Variants in RBFOX1 observed in about 807,000 individuals in gnomAD.
RBFOX1 encodes the protein RNA binding fox-1 homolog 1.
RBFOX1 carries 8 observed loss-of-function variants against 57.7 expected under a neutral mutation model. The ratio of observed to expected loss-of-function variants is 0.14; its 90% CI spans 0.08 to 0.25. RBFOX1 has a LOEUF of 0.25. RBFOX1 is among the 10% of genes least tolerant of loss of function. The probability of loss-of-function intolerance (pLI) is 1.00; values close to 1 mark genes in which losing one functional copy is unlikely to be tolerated. For missense variants in RBFOX1, 611 were observed against 548.5 expected, an observed-to-expected ratio of 1.11 and a Z score of -1.14; for synonymous variants, 326 against 222.4, an observed-to-expected ratio of 1.47 and a Z score of -4.15.
At chr16:7,273,250 C>CTTCCTTCA (rs2095372261) in intron 4 of RBFOX1, among the ~76,000 whole-genome samples, 1 of 141,936 alleles carries the variant, frequency 7.0e-6, no homozygotes, top group East Asian at 2.1e-4. Flanking sequence ...TCCTTCCTTC[C>CTTCCTTCA]TTCCTTCCTT....
Position 6,357,042 on chromosome 16 carries a change from C to T in RBFOX1, c.-64+39985C>T, listed in dbSNP as rs139908010. ...AACTGTGATTCTGCTGTCCTGCACCCGGGGACCTCTATTTGGAGCAGTATT... is the reference window on the plus strand; with the variant it reads ...AACTGTGATTCTGCTGTCCTGCACCTGGGGACCTCTATTTGGAGCAGTATT... On this transcript the variant is annotated intron_variant, in intron 2 of 15. Transcript: ENST00000550418. 3.4e-3 allele frequency among the ~76,000 whole-genome samples: 512 copies of T among 152,192 alleles called. 4 individuals carry two copies. The highest frequency in any genetic ancestry group is 0.011 in the African/African-American group (462 of 41,530).
At chr16:7,225,366 G>T (rs1314483225) in intron 4 of RBFOX1, among the ~76,000 whole-genome samples, 2 of 152,108 alleles carry the variant, frequency 1.3e-5, no homozygotes, top group Non-Finnish European at 2.9e-5. Flanking sequence ...TAAGTTTCAT[G>T]AGATCTGATG....
At chr16:5,406,386 C>G (rs936748218) in intron 1 of RBFOX1, among the ~76,000 whole-genome samples, 1 of 152,090 alleles carries the variant, frequency 6.6e-6, no homozygotes, top group Non-Finnish European at 1.5e-5. Flanking sequence ...TGAGCTGGGA[C>G]GTCAATCTTC....
chr16:6,047,248 C>G (rs987603115), intron 1 of RBFOX1, among the ~76,000 whole-genome samples: 49 of 152,170 alleles, frequency 3.2e-4, no homozygotes, highest in African/African-American at 1.2e-3. Context: ...TCCTGCCAGC[C>G]CATGAGGTTA....
intron 1 of RBFOX1, among the ~76,000 whole-genome samples, chr16:6,197,314 A>G (rs1343631802): frequency 1.3e-5 from 2 of 151,566 alleles, no homozygotes; most frequent in Non-Finnish European, 2.9e-5. Flanking sequence ...TATCATCCGT[A>G]TCTCCCACTG....
At chr16:5,356,613 A>G (rs2065396430) in intron 1 of RBFOX1, among the ~76,000 whole-genome samples, 1 of 152,186 alleles carries the variant, frequency 6.6e-6, no homozygotes, top group Non-Finnish European at 1.5e-5. Flanking sequence ...CAGGTTTACC[A>G]TGAAAAATAT....
chr16:7,386,523 C>G (rs56306338), intron 4 of RBFOX1, among the ~76,000 whole-genome samples: 12,344 of 151,984 alleles, frequency 0.081, 537 homozygotes, highest in East Asian at 0.2. Flanking sequence ...ATGGTTTCCA[C>G]CTTCATCCAT....
At chr16:6,702,417 G>T (rs1403082199) in intron 3 of RBFOX1, among the ~76,000 whole-genome samples, 1 of 152,176 alleles carries the variant, frequency 6.6e-6, no homozygotes, top group Non-Finnish European at 1.5e-5. Flanking sequence ...TGCCTGGCGT[G>T]CTGGCATATG....
At chr16:7,351,855 A>G (rs953962799) in intron 4 of RBFOX1, among the ~76,000 whole-genome samples, 1 of 152,156 alleles carries the variant, frequency 6.6e-6, no homozygotes, top group Non-Finnish European at 1.5e-5. Context: ...CCCAGGCAGG[A>G]AATTTTCAGC....
At chr16:6,556,324 G>T (rs2097097738) in intron 2 of RBFOX1, among the ~76,000 whole-genome samples, 1 of 152,154 alleles carries the variant, frequency 6.6e-6, no homozygotes, top group Non-Finnish European at 1.5e-5. Context: ...TTCTTCAAGT[G>T]ACACTATCTC....
chr16:6,456,423 C>G (rs1332573060), intron 2 of RBFOX1, among the ~76,000 whole-genome samples: 1 of 152,178 alleles, frequency 6.6e-6, no homozygotes, highest in East Asian at 1.9e-4. Context: ...ATATTCCCAT[C>G]TCAGCCTCTA....
At chr16:5,544,004 A>G (rs11076924) in intron 2 of RBFOX1, among the ~76,000 whole-genome samples, 43,810 of 152,130 alleles carry the variant, frequency 0.29, 7,026 homozygotes, top group Non-Finnish European at 0.36. Flanking sequence ...GCTTACAACA[A>G]TTGATACAGA....
chr16:7,193,525 G>C (rs2085942018), intron 4 of RBFOX1, among the ~76,000 whole-genome samples: 1 of 152,208 alleles, frequency 6.6e-6, no homozygotes, highest in Non-Finnish European at 1.5e-5. Flanking sequence ...CAATATAACT[G>C]CAAATGCTTT....
intron 11 of RBFOX1, among the ~76,000 whole-genome samples, chr16:7,637,750 C>CTACTATTTT (rs1303848080): frequency 1.3e-5 from 2 of 152,138 alleles, no homozygotes; most frequent in Admixed American, 1.3e-4. Flanking sequence ...AGATATTTTT[C>CTACTATTTT]TACTATTTTA....
At chr16:7,007,139 T>A (rs2093350827) in intron 3 of RBFOX1, among the ~76,000 whole-genome samples, 1 of 152,202 alleles carries the variant, frequency 6.6e-6, no homozygotes, top group Non-Finnish European at 1.5e-5. Flanking sequence ...GAGTCCATTT[T>A]CAAACTCCTT....
chr16:7,349,295 A>C (rs2097082846), intron 4 of RBFOX1, among the ~76,000 whole-genome samples: 1 of 151,898 alleles, frequency 6.6e-6, no homozygotes, highest in Admixed American at 6.6e-5. Flanking sequence ...AGCTCTCATC[A>C]CTCCTTCTCT....
intron 3 of RBFOX1, among the ~76,000 whole-genome samples, chr16:6,735,625 G>A (rs1335203555): frequency 6.6e-6 from 1 of 152,166 alleles, no homozygotes; most frequent in Non-Finnish European, 1.5e-5. Flanking sequence ...CAGAAGTTGT[G>A]TAACATTGGA....
At chr16:5,521,887 C>T (rs2044035110) in intron 2 of RBFOX1, among the ~76,000 whole-genome samples, 1 of 152,150 alleles carries the variant, frequency 6.6e-6, no homozygotes, top group African/African-American at 2.4e-5. Context: ...GTCATGAGTG[C>T]CCAGGACATG....
At chr16:6,931,725 G>T (rs764334863) in intron 3 of RBFOX1, among the ~76,000 whole-genome samples, 1 of 152,162 alleles carries the variant, frequency 6.6e-6, no homozygotes, top group South Asian at 2.1e-4. Flanking sequence ...AACCCTCCCT[G>T]TTGCTTGTGC....
Sources: allele counts gnomAD v4.1 joint callset (sites outside exome capture counted in the v4.1 genomes callset), GRCh38; gene constraint gnomAD v4.1.1; transcripts MANE v1.5; gene names NCBI Gene and HGNC (gene_info 2026-07-23, HGNC 2026-07-21).